The following SH3GL2 variants were observed in gnomAD, a reference collection of about 807,000 sequenced individuals.
SH3GL2 encodes SH3 domain containing GRB2 like 2, endophilin A1.
SH3GL2 carries 24 observed loss-of-function variants against 46.0 expected under a neutral mutation model. That is an observed-to-expected ratio of 0.52 (90% confidence interval 0.38 to 0.73). SH3GL2 has a LOEUF of 0.73. SH3GL2 is among the 30% of genes least tolerant of loss of function. SH3GL2 has a pLI of 0.00. For synonymous variants in SH3GL2, 196 were observed against 147.1 expected (o/e 1.33, Z -2.40); for missense variants, 413 against 424.2 (o/e 0.97, Z 0.23).
At chr9:17,765,352 C>G (rs185115397) in intron 3 of SH3GL2, among the ~76,000 whole-genome samples, 5 of 152,208 alleles carry the variant, frequency 3.3e-5, no homozygotes, top group African/African-American at 1.2e-4. Context: ...TGCTTGCTGG[C>G]TTTCACGTCT....
At chr9:17,721,412 T>G (rs539188522) in intron 1 of SH3GL2, among the ~76,000 whole-genome samples, 2 of 152,268 alleles carry the variant, frequency 1.3e-5, no homozygotes, top group South Asian at 4.1e-4. Flanking sequence ...CTTTTTTATA[T>G]GTATATTTTA....
intron 3 of SH3GL2, among the ~76,000 whole-genome samples, chr9:17,778,122 A>G (rs1232922705): frequency 1.3e-5 from 2 of 152,204 alleles, no homozygotes; most frequent in Non-Finnish European, 2.9e-5. Context: ...GAATAGTTCC[A>G]TAAGTGCCAG....
chr9:17,700,393 A>G (rs999535608), intron 1 of SH3GL2, among the ~76,000 whole-genome samples: 1 of 152,184 alleles, frequency 6.6e-6, no homozygotes, highest in African/African-American at 2.4e-5. Flanking sequence ...TCAAGCTAAA[A>G]CTTCCTAAAG....
At chr9:17,699,594 A>G (rs1821294650) in intron 1 of SH3GL2, among the ~76,000 whole-genome samples, 1 of 152,134 alleles carries the variant, frequency 6.6e-6, no homozygotes, top group African/African-American at 2.4e-5. Context: ...CAGCCTTACT[A>G]CCATGTGGCA....
At chr9:17,753,352 A>G (rs1186405845) in intron 2 of SH3GL2, among the ~76,000 whole-genome samples, 1 of 152,082 alleles carries the variant, frequency 6.6e-6, no homozygotes, top group African/African-American at 2.4e-5. Context: ...CTTTTTCTCC[A>G]CAACCTTGTC....
chr9:17,771,783 T>C (rs2131165981), intron 3 of SH3GL2, among the ~76,000 whole-genome samples: 2 of 152,266 alleles, frequency 1.3e-5, no homozygotes, highest in South Asian at 4.1e-4. Flanking sequence ...CCCTGCTGTT[T>C]CCTACTTGAG....
chr9:17,723,821 G>A (rs1483005617), intron 1 of SH3GL2, among the ~76,000 whole-genome samples: 2 of 151,958 alleles, frequency 1.3e-5, no homozygotes, highest in Non-Finnish European at 2.9e-5. Context: ...TGTCATCCTA[G>A]TGTCATCTGG....
chr9:17,746,915 G>C, intron 1 of SH3GL2, 151 bp from the exon 2 acceptor site: 1 of 600,952 alleles, frequency 1.7e-6, no homozygotes. Flanking sequence ...CAGAGCCACA[G>C]TTTGCTGCTA....
intron 1 of SH3GL2, among the ~76,000 whole-genome samples, chr9:17,673,005 C>A (rs1249534671): frequency 6.6e-6 from 1 of 152,150 alleles, no homozygotes; most frequent in Non-Finnish European, 1.5e-5. Context: ...TAGTATTTGG[C>A]AGTATCACTC....
chr9:17,743,753 A>T (rs946912061), intron 1 of SH3GL2, among the ~76,000 whole-genome samples: 1 of 152,218 alleles, frequency 6.6e-6, no homozygotes, highest in African/African-American at 2.4e-5. Context: ...ATGCAAGAAG[A>T]GGGGAAATTA....
chr9:17,652,889 A>T (rs999468330), intron 1 of SH3GL2, among the ~76,000 whole-genome samples: 2 of 152,152 alleles, frequency 1.3e-5, no homozygotes, highest in Non-Finnish European at 2.9e-5. Flanking sequence ...TTTCAGGTAC[A>T]TATACCTCTG....
At chr9:17,692,603 C>T (rs1311520991) in intron 1 of SH3GL2, among the ~76,000 whole-genome samples, 1 of 150,756 alleles carries the variant, frequency 6.6e-6, no homozygotes, top group Non-Finnish European at 1.5e-5. Context: ...TGAGATTGTG[C>T]CACCGACCTC....
At chr9:17,772,828 A>T (rs9407857) in intron 3 of SH3GL2, among the ~76,000 whole-genome samples, 2 of 151,982 alleles carry the variant, frequency 1.3e-5, no homozygotes, top group Non-Finnish European at 2.9e-5. Context: ...TCACTCTGAA[A>T]CTCTGCTTTC....
At chr9:17,782,867 C>A (rs542276902) in intron 3 of SH3GL2, among the ~76,000 whole-genome samples, 1 of 152,280 alleles carries the variant, frequency 6.6e-6, no homozygotes, top group East Asian at 1.9e-4. Flanking sequence ...CCCTCTCTAA[C>A]GCACGCCAGC....
In SH3GL2 at chr9:17,639,120, C is replaced by T. The variant is rs1389778670; in HGVS notation, c.45+59833C>T. ...CTAAATTGTAAGATTTGAAATGAAA[C>T]CATTGCCATTTTCTCTCATGACATT... On this transcript the variant is annotated intron_variant, in intron 1 of 8. Coordinates refer to ENST00000380607, the MANE Select transcript of SH3GL2 (RefSeq NM_003026.5). Among the ~76,000 whole-genome samples the T allele has an allele frequency of 2.6e-5, 4 of 152,080 alleles. No homozygotes were observed. The East Asian group carries it at 5.8e-4, about 22-fold the overall frequency.
intron 3 of SH3GL2, among the ~76,000 whole-genome samples, chr9:17,783,706 C>G (rs1180477499): frequency 6.6e-6 from 1 of 152,090 alleles, no homozygotes; most frequent in African/African-American, 2.4e-5. Context: ...ATAGGTCAGC[C>G]TTTTATGGTC....
chr9:17,637,731 A>G (rs778115775), intron 1 of SH3GL2, among the ~76,000 whole-genome samples: 87 of 152,240 alleles, frequency 5.7e-4, no homozygotes, highest in Non-Finnish European at 1.1e-3. Context: ...TAACATATTC[A>G]GAACAACCTA....
In SH3GL2 at chr9:17,650,533, GGC is replaced by G. The variant is rs1819930562; in HGVS notation, c.45+71247_45+71248del. On this transcript the variant is annotated intron_variant, in intron 1 of 8. Coordinates refer to ENST00000380607, the MANE Select transcript of SH3GL2 (RefSeq NM_003026.5). ...ATTACAGGCGTGTGCCACCACGCCT[GGC>G]TAATTTTTGTATTTTTAGTAGAGAC... 2.4e-4 allele frequency among the ~76,000 whole-genome samples: 36 copies of G among 152,208 alleles called. 1 individual carries two copies. In the South Asian group the frequency reaches 7.1e-3, roughly 30 times the overall value.
In SH3GL2 at chr9:17,622,986, G is replaced by GTTTCCTTTCCTTTCCGTTCCTTTCC. The variant is rs71331499; in HGVS notation, c.45+43714_45+43715insGTTCCTTTCCTTTCCTTTCCTTTCC. Among the ~76,000 whole-genome samples, 13 of 99,412 alleles carry GTTTCCTTTCCTTTCCGTTCCTTTCC rather than the reference G, an allele frequency of 1.3e-4. No homozygotes were observed. In the East Asian group the frequency reaches 3.3e-3, roughly 25 times the overall value. 65.2% of individuals were successfully genotyped at this position (99,412 alleles called of 152,430 possible). ...CTCCCTTTTCCTTTCGTTTCCTTTC[G>GTTTCCTTTCCTTTCCGTTCCTTTCC]TTTCCTTTCCTTTCCTTTCCTTTCC... On this transcript the variant is annotated intron_variant, in intron 1 of 8. Coordinates refer to ENST00000380607, the MANE Select transcript of SH3GL2 (RefSeq NM_003026.5).
Sources: gnomAD v4.1 joint callset for allele counts (sites outside exome capture counted in the v4.1 genomes callset) on GRCh38, gnomAD v4.1.1 for gene constraint, MANE v1.5 for transcripts, NCBI Gene and HGNC (gene_info 2026-07-23, HGNC 2026-07-21) for gene names.